FOXC1: variants seen among roughly 807,000 people sequenced by gnomAD.
FOXC1 encodes the protein forkhead box protein C1.
A neutral mutation model predicts 8.1 loss-of-function variants in FOXC1; 5 were observed. That is an observed-to-expected ratio of 0.62 (90% CI 0.32 to 1.30). The LOEUF is 1.30. Ranked by LOEUF, FOXC1 falls within the 50% of genes most tolerant of loss-of-function variation. The pLI, the probability that FOXC1 is intolerant of heterozygous loss-of-function variation, is 0.05. For missense variants in FOXC1, 942 were observed against 858.0 expected (o/e 1.10, Z -1.22); for synonymous variants, 552 against 417.2 (o/e 1.32, Z -3.94).
rs1762584160 is a variant in FOXC1 at position 1,613,070 on chromosome 6, A to T, written c.*963A>T. ...CTAGTAAAAAGATATTTTTCTAAAC[A>T]GATTGGAGTTGGCATATAAACAAAT... On this transcript the variant is annotated 3_prime_UTR_variant, in exon 1 of 1. Transcript: ENST00000645831. 1 of 235,862 alleles carries T rather than the reference A, an allele frequency of 4.2e-6. No individual in the cohort carries two copies. The highest frequency in any genetic ancestry group is 9.0e-6 in the Non-Finnish European group (1 of 110,670). The allele number at this position is 235,862 out of a possible 1,614,324, so 14.6% of individuals were successfully genotyped here. A position where few individuals can be genotyped will look rare whatever the true frequency, so the allele number is the denominator to read the frequency against.
In FOXC1 at chr6:1,611,399, G is replaced by A. The variant is rs1260913552; in HGVS notation, c.954G>A (p.Arg318=). Residue 318 remains arginine, a synonymous_variant, in exon 1 of 1, where the codon CGG becomes CGA. Coordinates refer to ENST00000645831, the MANE Select transcript of FOXC1 (RefSeq NM_001453.3). The surrounding 1 kb of genome is among the most constrained non-coding windows in gnomAD (Gnocchi z 7.1). Reference sequence around the variant, plus strand: ...TGGACAACATCATGACGTCGCTGCGGGGGTCGCCGCAGAGCGCGGCCGCGG... The same window carrying A: ...TGGACAACATCATGACGTCGCTGCGAGGGTCGCCGCAGAGCGCGGCCGCGG... ...FSVDNIMTSL[R]GSPQSAAAEL... The A allele has an allele frequency of 6.9e-7, 1 of 1,451,564 alleles. No homozygotes were observed. 89.9% of individuals were successfully genotyped at this position (1,451,564 alleles called of 1,614,324 possible).
Position 1,611,556 on chromosome 6 carries a change from G to T in FOXC1, c.1111G>T (p.Ala371Ser). 2 of 1,227,042 alleles carry T rather than the reference G, an allele frequency of 1.6e-6. No individual in the cohort carries two copies. Among genetic ancestry groups the T allele is most frequent in the East Asian group, 3.9e-5 (1 of 25,664 alleles). 76.0% of individuals were successfully genotyped at this position (1,227,042 alleles called of 1,614,324 possible). A position where few individuals can be genotyped will look rare whatever the true frequency, so the allele number is the denominator to read the frequency against. Residue 371 changes from alanine (A) to serine (S), a missense_variant, in exon 1 of 1, where the codon GCG (alanine) becomes TCG (serine). Coordinates refer to ENST00000645831, the MANE Select transcript of FOXC1 (RefSeq NM_001453.3). The surrounding 1 kb of genome is among the most constrained non-coding windows in gnomAD (Gnocchi z 7.1). ...YSSPCSQTSS[A>S]GSSGGGGGGA... ...CTCCCCCTGCAGCCAGACCTCCAGC[G>T]CGGGCAGCTCGGGCGGCGGCGGCGG...
rs1230980273 is a variant in FOXC1, at chr6:1,611,282, G to C, written c.837G>C (p.Ser279=). The C allele has an allele frequency of 1.8e-5, 25 of 1,385,620 alleles. No homozygotes were observed. The highest frequency in any genetic ancestry group is 2.3e-5 in the Non-Finnish European group (25 of 1,071,740). 85.8% of individuals were successfully genotyped at this position (1,385,620 alleles called of 1,614,324 possible). The change falls in exon 1 of 1, where the codon TCG becomes TCC. Residue 279 remains serine (S), a synonymous_variant. Coordinates refer to ENST00000645831, the MANE Select transcript of FOXC1 (RefSeq NM_001453.3). This position sits in a 1 kb window ranked among gnomAD's most constrained non-coding sequence, Gnocchi z 7.1. ...GCAGCCCCCCGGGCAGCCTGCCGTC[G>C]GCGCGGCCGCTCAGCCTGGACGGTG... ...SGSSPPGSLP[S]ARPLSLDGAD... is the part of the protein sequence containing the mutation.
In FOXC1 at chr6:1,610,778, C is replaced by T. The variant is rs547414473; in HGVS notation, c.333C>T (p.Arg111=). The T allele has an allele frequency of 3.2e-4, 520 of 1,614,114 alleles. 6 individuals are homozygous for T. The South Asian group carries it at 5.4e-3, about 17-fold the overall frequency. ...GCATCTACCAGTTCATCATGGACCGCTTCCCCTTCTACCGGGACAACAAGC... is the reference window on the plus strand; with the variant it reads ...GCATCTACCAGTTCATCATGGACCGTTTCCCCTTCTACCGGGACAACAAGC... ...LNGIYQFIMD[R]FPFYRDNKQG... Residue 111 remains arginine (R), a synonymous_variant, in exon 1 of 1, where the codon CGC becomes CGT. Coordinates refer to ENST00000645831, the MANE Select transcript of FOXC1 (RefSeq NM_001453.3).
Position 1,611,421 on chromosome 6 carries a change from G to A in FOXC1, c.976G>A (p.Ala326Thr), listed in dbSNP as rs1395872805. Reference protein sequence around the residue: ...SLRGSPQSAAAELSSGLLASA... With the variant: ...SLRGSPQSAATELSSGLLASA... ...GCGGGGGTCGCCGCAGAGCGCGGCC[G>A]CGGAGCTCAGCTCCGGCCTTCTGGC... The change falls in exon 1 of 1, where the codon GCG becomes ACG. Residue 326 changes from alanine to threonine, a missense_variant. Physicochemically the swap from Ala to Thr is moderately conservative, Grantham distance 58. Around this residue, in one of 4 missense-constraint regions of FOXC1, gnomAD observed 726 missense variants for 599.6 expected, o/e 1.21. Coordinates refer to ENST00000645831, the MANE Select transcript of FOXC1 (RefSeq NM_001453.3). The surrounding 1 kb of genome is among the most constrained non-coding windows in gnomAD (Gnocchi z 7.1). 4 of 1,441,498 alleles carry A rather than the reference G, an allele frequency of 2.8e-6. No individual in the cohort carries two copies. In the South Asian group the frequency reaches 4.0e-5, roughly 14 times the overall value. 89.3% of individuals were successfully genotyped at this position (1,441,498 alleles called of 1,614,324 possible).
Position 1,612,229 on chromosome 6 carries a change from C to T in FOXC1, c.*122C>T. 1 of 1,446,256 alleles carries T rather than the reference C, an allele frequency of 6.9e-7. No individual in the cohort carries two copies. The highest frequency in any genetic ancestry group is 9.4e-7 in the Non-Finnish European group (1 of 1,062,310). 89.6% of individuals were successfully genotyped at this position (1,446,256 alleles called of 1,614,324 possible). A position where few individuals can be genotyped will look rare whatever the true frequency, so the allele number is the denominator to read the frequency against. ...AAAAAAAACCCCTGAGAATATTCAC[C>T]ACACCAGCGAACAGAATATCCCTCC... On this transcript the variant is annotated 3_prime_UTR_variant, in exon 1 of 1. Transcript: ENST00000645831.
chr6:1,611,286 C>T lies in FOXC1; in HGVS notation c.841C>T (p.Arg281Trp), dbSNP rs2113112791. ...CCCCCCGGGCAGCCTGCCGTCGGCGCGGCCGCTCAGCCTGGACGGTGCGGA... is the reference window on the plus strand; with the variant it reads ...CCCCCCGGGCAGCCTGCCGTCGGCGTGGCCGCTCAGCCTGGACGGTGCGGA... ...SSPPGSLPSA[R>W]PLSLDGADSA... The change falls in exon 1 of 1, where the codon CGG becomes TGG. Residue 281 changes from arginine to tryptophan, a missense_variant. Coordinates refer to ENST00000645831, the MANE Select transcript of FOXC1 (RefSeq NM_001453.3). This position sits in a 1 kb window ranked among gnomAD's most constrained non-coding sequence, Gnocchi z 7.1. The T allele has an allele frequency of 1.4e-6, 2 of 1,385,656 alleles. No homozygotes were observed. The highest frequency in any genetic ancestry group is 1.9e-6 in the Non-Finnish European group (2 of 1,071,780). The allele number at this position is 1,385,656 out of a possible 1,614,324, so 85.8% of individuals were successfully genotyped here.
Position 1,612,468 on chromosome 6 carries a change from G to T in FOXC1, c.*361G>T. ...CAGAGACCTGCTTTCCCCTCCTCCC[G>T]TCTCCCCTCTCTTGCCTTCTTCCTT... On this transcript the variant is annotated 3_prime_UTR_variant, in exon 1 of 1. Transcript: ENST00000645831. 2.3e-6 allele frequency: 1 copy of T among 428,432 alleles called. No individual in the cohort carries two copies. Among genetic ancestry groups the T allele is most frequent in the Non-Finnish European group, 4.4e-6 (1 of 227,712 alleles). 26.5% of individuals were successfully genotyped at this position (428,432 alleles called of 1,614,324 possible).
At position 1,611,277 on chromosome 6, in the gene FOXC1, C is replaced by T. The variant is rs887593347; in HGVS notation, c.832C>T (p.Pro278Ser). The change falls in exon 1 of 1, where the codon CCG (proline) becomes TCG (serine). Residue 278 changes from proline to serine, a missense_variant. This residue lies in a region of FOXC1 where 726 missense variants were observed against 599.6 expected (regional missense o/e 1.21). Coordinates refer to ENST00000645831, the MANE Select transcript of FOXC1 (RefSeq NM_001453.3). The surrounding 1 kb of genome is among the most constrained non-coding windows in gnomAD (Gnocchi z 7.1). ...SSGSSPPGSL[P>S]SARPLSLDGA... ...CGGGAGCAGCCCCCCGGGCAGCCTG[C>T]CGTCGGCGCGGCCGCTCAGCCTGGA... 1.6e-5 allele frequency: 22 copies of T among 1,388,464 alleles called. No individual in the cohort carries two copies. The East Asian group carries it at 5.6e-4, about 35-fold the overall frequency. 86.0% of individuals were successfully genotyped at this position (1,388,464 alleles called of 1,614,324 possible).
At position 1,612,447 on chromosome 6, in the gene FOXC1, G is replaced by C. The variant is rs181633430; in HGVS notation, c.*340G>C. 7.0e-5 allele frequency: 32 copies of C among 457,664 alleles called. No individual in the cohort carries two copies. In the Admixed American group the frequency reaches 1.2e-3, roughly 18 times the overall value. The allele number at this position is 457,664 out of a possible 1,614,324, so 28.4% of individuals were successfully genotyped here. On this transcript the variant is annotated 3_prime_UTR_variant, in exon 1 of 1. Coordinates refer to ENST00000645831, the MANE Select transcript of FOXC1 (RefSeq NM_001453.3). ...CGTAAGTTTCTTCTTGCTTTTCAGAGACCTGCTTTCCCCTCCTCCCGTCTC... is the reference window on the plus strand; with the variant it reads ...CGTAAGTTTCTTCTTGCTTTTCAGACACCTGCTTTCCCCTCCTCCCGTCTC...
chr6:1,611,345 G>A lies in FOXC1; in HGVS notation c.900G>A (p.Pro300=), dbSNP rs776930290. The change falls in exon 1 of 1, where the codon CCG becomes CCA. Residue 300 remains proline (P), a synonymous_variant. Coordinates refer to ENST00000645831, the MANE Select transcript of FOXC1 (RefSeq NM_001453.3). The surrounding 1 kb of genome is among the most constrained non-coding windows in gnomAD (Gnocchi z 7.1). ...CGCCGCCGCCCGCGCCCTCCGCCCCGCCGCCGCACCATAGCCAGGGCTTCA... is the reference window on the plus strand; with the variant it reads ...CGCCGCCGCCCGCGCCCTCCGCCCCACCGCCGCACCATAGCCAGGGCTTCA... The part of the protein sequence containing the change: ...SAPPPPAPSA[P]PPHHSQGFSV... 48 of 1,422,246 alleles carry A rather than the reference G, an allele frequency of 3.4e-5. No homozygotes were observed. The highest frequency in any genetic ancestry group is 4.1e-5 in the Non-Finnish European group (45 of 1,086,694). The allele number at this position is 1,422,246 out of a possible 1,614,324, so 88.1% of individuals were successfully genotyped here. A position where few individuals can be genotyped will look rare whatever the true frequency, so the allele number is the denominator to read the frequency against.
Position 1,610,727 on chromosome 6 carries a change from C to T in FOXC1, c.282C>T (p.Ala94=). 2.5e-6 allele frequency: 4 copies of T among 1,614,014 alleles called. No individual in the cohort carries two copies. Among genetic ancestry groups the T allele is most frequent in the Non-Finnish European group, 2.5e-6 (3 of 1,180,008 alleles). ...IALITMAIQN[A]PDKKITLNGI... ...TCATCACCATGGCCATCCAGAACGC[C>T]CCGGACAAGAAGATCACCCTGAACG... The change falls in exon 1 of 1, where the codon GCC becomes GCT. Residue 94 remains alanine (A), a synonymous_variant. Transcript: ENST00000645831.
Position 1,612,125 on chromosome 6 carries a change from A to G in FOXC1, c.*18A>G, listed in dbSNP as rs776933515. ...AGTTTTGACACACCCTCAAAGCCGA[A>G]CTAAATCGAACCCCAAAGCAGGAAA... On this transcript the variant is annotated 3_prime_UTR_variant, in exon 1 of 1. Transcript: ENST00000645831. 12 of 1,613,934 alleles carry G rather than the reference A, an allele frequency of 7.4e-6. No individual in the cohort carries two copies. Among genetic ancestry groups the G allele is most frequent in the Non-Finnish European group, 1.0e-5 (12 of 1,180,022 alleles).
Position 1,611,490 on chromosome 6 carries a change from G to A in FOXC1, c.1045G>A (p.Ala349Thr). 3 of 1,377,394 alleles carry A rather than the reference G, an allele frequency of 2.2e-6. No individual in the cohort carries two copies. Among genetic ancestry groups the A allele is most frequent in the Non-Finnish European group, 2.8e-6 (3 of 1,060,692 alleles). The allele number at this position is 1,377,394 out of a possible 1,614,324, so 85.3% of individuals were successfully genotyped here. Residue 349 changes from alanine to threonine, a missense_variant, in exon 1 of 1, where the codon GCG becomes ACG. Transcript: ENST00000645831. This position sits in a 1 kb window ranked among gnomAD's most constrained non-coding sequence, Gnocchi z 7.1. ...GCGCGCGGGGATCGCACCCCCGCTG[G>A]CGCTCGGCGCCTACTCGCCCGGCCA... ...SSRAGIAPPL[A>T]LGAYSPGQSS...
At position 1,611,423 on chromosome 6, in the gene FOXC1, G is replaced by C. The variant is rs777239876; in HGVS notation, c.978G>C (p.Ala326=). The C allele has an allele frequency of 6.9e-7, 1 of 1,442,124 alleles. No individual in the cohort carries two copies. Among genetic ancestry groups the C allele is most frequent in the South Asian group, 1.3e-5 (1 of 75,744 alleles). The allele number at this position is 1,442,124 out of a possible 1,614,324, so 89.3% of individuals were successfully genotyped here. A position where few individuals can be genotyped will look rare whatever the true frequency, so the allele number is the denominator to read the frequency against. Reference sequence around the variant, plus strand: ...GGGGGTCGCCGCAGAGCGCGGCCGCGGAGCTCAGCTCCGGCCTTCTGGCCT... The same window carrying C: ...GGGGGTCGCCGCAGAGCGCGGCCGCCGAGCTCAGCTCCGGCCTTCTGGCCT... ...SLRGSPQSAA[A]ELSSGLLASA... Residue 326 remains alanine (A), a synonymous_variant, in exon 1 of 1, where the codon GCG becomes GCC. Transcript: ENST00000645831. This position sits in a 1 kb window ranked among gnomAD's most constrained non-coding sequence, Gnocchi z 7.1.
Position 1,612,199 on chromosome 6 carries a change from C to A in FOXC1, c.*92C>A. 1.2e-5 allele frequency: 18 copies of A among 1,545,468 alleles called. No homozygotes were observed. The highest frequency in any genetic ancestry group is 2.3e-5 in the East Asian group (1 of 44,216). On this transcript the variant is annotated 3_prime_UTR_variant, in exon 1 of 1. Transcript: ENST00000645831. Reference sequence around the variant, plus strand: ...AAATCGAAACTAAAAAAAAAAAATCCAATTAAAAAAAACCCCTGAGAATAT... The same window carrying A: ...AAATCGAAACTAAAAAAAAAAAATCAAATTAAAAAAAACCCCTGAGAATAT...
At position 1,611,382 on chromosome 6, in the gene FOXC1, A is replaced by T; in HGVS notation, c.937A>T (p.Ile313Phe). The change falls in exon 1 of 1, where the codon ATC becomes TTC. Residue 313 changes from isoleucine (I) to phenylalanine (F), a missense_variant. Physicochemically the swap from Ile to Phe is conservative, Grantham distance 21. Around this residue, in one of 4 missense-constraint regions of FOXC1, gnomAD observed 726 missense variants for 599.6 expected, o/e 1.21. Coordinates refer to ENST00000645831, the MANE Select transcript of FOXC1 (RefSeq NM_001453.3). The surrounding 1 kb of genome is among the most constrained non-coding windows in gnomAD (Gnocchi z 7.1). ...HHSQGFSVDN[I>F]MTSLRGSPQS... is the part of the protein sequence containing the mutation. ...TAGCCAGGGCTTCAGCGTGGACAAC[A>T]TCATGACGTCGCTGCGGGGGTCGCC... is the stretch of plus-strand genomic sequence containing the variant. The T allele has an allele frequency of 6.9e-7, 1 of 1,449,842 alleles. No homozygotes were observed. The allele number at this position is 1,449,842 out of a possible 1,614,324, so 89.8% of individuals were successfully genotyped here.
chr6:1,612,370 C>T lies in FOXC1; in HGVS notation c.*263C>T, dbSNP rs933435061. On this transcript the variant is annotated 3_prime_UTR_variant, in exon 1 of 1. Transcript: ENST00000645831. Reference sequence around the variant, plus strand: ...AAACAAACCCGTAAACTGTTTTATACAGAGACAGCAAAATCTTGGTTTATT... The same window carrying T: ...AAACAAACCCGTAAACTGTTTTATATAGAGACAGCAAAATCTTGGTTTATT... The T allele has an allele frequency of 1.7e-6, 1 of 596,902 alleles. No homozygotes were observed. Among genetic ancestry groups the T allele is most frequent in the African/African-American group, 1.9e-5 (1 of 53,612 alleles). 37.0% of individuals were successfully genotyped at this position (596,902 alleles called of 1,614,324 possible).
Position 1,611,398 on chromosome 6 carries a change from G to A in FOXC1, c.953G>A (p.Arg318Gln). Residue 318 changes from arginine to glutamine, a missense_variant, in exon 1 of 1, where the codon CGG (arginine) becomes CAG (glutamine). Around this residue, in one of 4 missense-constraint regions of FOXC1, gnomAD observed 726 missense variants for 599.6 expected, o/e 1.21. Coordinates refer to ENST00000645831, the MANE Select transcript of FOXC1 (RefSeq NM_001453.3). The surrounding 1 kb of genome is among the most constrained non-coding windows in gnomAD (Gnocchi z 7.1). ...FSVDNIMTSL[R>Q]GSPQSAAAEL... is the part of the protein sequence containing the mutation. The stretch of plus-strand genomic sequence containing the variant: ...GTGGACAACATCATGACGTCGCTGC[G>A]GGGGTCGCCGCAGAGCGCGGCCGCG... The A allele has an allele frequency of 6.9e-7, 1 of 1,450,340 alleles. No individual in the cohort carries two copies. Among genetic ancestry groups the A allele is most frequent in the Non-Finnish European group, 9.1e-7 (1 of 1,103,430 alleles). The allele number at this position is 1,450,340 out of a possible 1,614,324, so 89.8% of individuals were successfully genotyped here.
Sources: gnomAD v4.1 joint callset for allele counts on GRCh38, gnomAD v4.1.1 for gene constraint, gnomAD v4.1.1 regional missense constraint, Gnocchi (gnomAD v3.1) non-coding constraint, MANE v1.5 for transcripts, NCBI Gene and HGNC (gene_info 2026-07-23, HGNC 2026-07-21) for gene names.